ARPP21: variants seen among roughly 807,000 people sequenced by gnomAD.
The protein encoded by ARPP21 is cAMP regulated phosphoprotein 21, also known as cAMP-regulated phosphoprotein 21.
In ARPP21, 69 loss-of-function variants were observed where a neutral mutation model predicts 113.2. The ratio of observed to expected loss-of-function variants is 0.61; its 90% confidence interval spans 0.50 to 0.74. The LOEUF (loss-of-function observed/expected upper bound fraction) is 0.74. Among genes scored for constraint, ARPP21 ranks in the 30% least tolerant of loss-of-function variants. The pLI, the probability that ARPP21 is intolerant of heterozygous loss-of-function variation, is 0.00. For missense variants in ARPP21, 1,070 were observed against 1,037.4 expected, an observed-to-expected ratio of 1.03 and a Z score of -0.43; for synonymous variants, 368 against 375.5, an observed-to-expected ratio of 0.98 and a Z score of 0.23.
intron 9 of ARPP21, among the ~76,000 whole-genome samples, chr3:35,706,410 C>T (rs1480185404): frequency 3.9e-5 from 6 of 152,186 alleles, no homozygotes; most frequent in Non-Finnish European, 7.3e-5. Context: ...AATTACTGAA[C>T]CGATTTACAA....
chr3:35,719,969 G>A (rs1393187458), intron 13 of ARPP21, among the ~76,000 whole-genome samples: 1 of 152,174 alleles, frequency 6.6e-6, no homozygotes, highest in African/African-American at 2.4e-5. Flanking sequence ...GCAAGCCCTT[G>A]AAAAGGCTAT....
At chr3:35,749,431 C>CAAAAAA (rs61007987) in intron 19 of ARPP21, among the ~76,000 whole-genome samples, 26 of 100,762 alleles carry the variant, frequency 2.6e-4, no homozygotes, top group African/African-American at 3.3e-4. Flanking sequence ...TTCCTAAAAG[C>CAAAAAA]AAAAAAAAAA....
chr3:35,717,402 G>T, intron 13 of ARPP21, 45 bp downstream of exon 13: 1 of 1,175,612 alleles, frequency 8.5e-7, no homozygotes, highest in Non-Finnish European at 1.3e-6. Flanking sequence ...TTCAAATTAT[G>T]TGGTAGAATC....
intron 18 of ARPP21, among the ~76,000 whole-genome samples, chr3:35,743,080 CT>C (rs1421748545): frequency 6.6e-6 from 1 of 152,124 alleles, no homozygotes; most frequent in African/African-American, 2.4e-5. Context: ...ATTGAACATA[CT>C]TTTTTGAATA....
rs535823988 is a variant in ARPP21 at position 35,681,710 on chromosome 3, C to G, written c.-38-4C>G. ...CTTTATTTTCTGATATCTTAACCTT[C>G]TAGGGCATAAAATCTTGTTATTTTA... On this transcript the variant is annotated splice_polypyrimidine_tract_variant and splice_region_variant and intron_variant, in intron 2 of 20. Coordinates refer to ENST00000684406, the MANE Select transcript of ARPP21 (RefSeq NM_001385562.1). 1 of 1,555,776 alleles carries G rather than the reference C, an allele frequency of 6.4e-7. No individual in the cohort carries two copies. The highest frequency in any genetic ancestry group is 1.4e-5 in the African/African-American group (1 of 73,608).
At chr3:35,651,237 A>G (rs1182764519) in intron 1 of ARPP21, among the ~76,000 whole-genome samples, 4 of 152,048 alleles carry the variant, frequency 2.6e-5, no homozygotes, top group Non-Finnish European at 4.4e-5. Flanking sequence ...AACAATTTAG[A>G]TATTTGGAGG....
chr3:35,694,009 ATTG>A (rs1354166349), intron 9 of ARPP21, among the ~76,000 whole-genome samples: 1 of 151,516 alleles, frequency 6.6e-6, no homozygotes, highest in African/African-American at 2.4e-5. Flanking sequence ...TTCCTTTTAT[ATTG>A]TTCTTCTTCA....
At chr3:35,713,593 C>T (rs2091794403) in intron 11 of ARPP21, among the ~76,000 whole-genome samples, 1 of 152,084 alleles carries the variant, frequency 6.6e-6, no homozygotes, top group Admixed American at 6.6e-5. Flanking sequence ...AGGGTTTCAC[C>T]ATGTTGCCCA....
intron 13 of ARPP21, 112 bp downstream of exon 13, chr3:35,717,469 G>T (rs1034346534): frequency 1.4e-6 from 1 of 702,920 alleles, no homozygotes; most frequent in Non-Finnish European, 2.5e-6. Context: ...AAAAAGTCTG[G>T]TTATCTCTTT....
At chr3:35,642,959 A>G (rs756932375) in intron 1 of ARPP21, among the ~76,000 whole-genome samples, 1 of 152,150 alleles carries the variant, frequency 6.6e-6, no homozygotes, top group Non-Finnish European at 1.5e-5. Context: ...AAATATAAGT[A>G]GCAGAGGCAG....
chr3:35,675,753 G>A (rs959542406), intron 1 of ARPP21, among the ~76,000 whole-genome samples: 1 of 151,628 alleles, frequency 6.6e-6, no homozygotes, highest in Non-Finnish European at 1.5e-5. Context: ...TGTCCACATT[G>A]GATAGATAAA....
At chr3:35,672,639 CA>C (rs2076611595) in intron 1 of ARPP21, among the ~76,000 whole-genome samples, 1 of 151,968 alleles carries the variant, frequency 6.6e-6, no homozygotes, top group Non-Finnish European at 1.5e-5. Context: ...TAGAGATACA[CA>C]AAATAGGCAA....
chr3:35,707,375 G>A, intron 10 of ARPP21: 1 of 570,496 alleles, frequency 1.8e-6, no homozygotes, highest in East Asian at 4.1e-5. Context: ...CACAGGCTCC[G>A]AGCTGTGGAG....
chr3:35,793,110 A>G (rs1313532098), intron 20 of ARPP21, among the ~76,000 whole-genome samples: 1 of 152,194 alleles, frequency 6.6e-6, no homozygotes, highest in East Asian at 1.9e-4. Flanking sequence ...ATTAAATTTA[A>G]CTGTACCAGG....
At chr3:35,705,908 T>C (rs2088802524) in intron 9 of ARPP21, among the ~76,000 whole-genome samples, 1 of 152,226 alleles carries the variant, frequency 6.6e-6, no homozygotes, top group African/African-American at 2.4e-5. Flanking sequence ...ATTTGAATTA[T>C]ACACTTAAAC....
At chr3:35,684,442 AAAATTT>A (rs2079932181) in intron 5 of ARPP21, 1 of 979,600 alleles carries the variant, frequency 1.0e-6, no homozygotes, top group African/African-American at 1.7e-5. Context: ...GTAGGTTATA[AAAATTT>A]AAATTTAAAC....
At chr3:35,660,103 A>G (rs1706991124) in intron 1 of ARPP21, among the ~76,000 whole-genome samples, 1 of 152,084 alleles carries the variant, frequency 6.6e-6, no homozygotes, top group Non-Finnish European at 1.5e-5. Flanking sequence ...CAGCTTTTGG[A>G]CCTTGACTTC....
intron 19 of ARPP21, among the ~76,000 whole-genome samples, chr3:35,757,621 A>T (rs2095620551): frequency 6.6e-6 from 1 of 152,094 alleles, no homozygotes. Flanking sequence ...TTATATGTAG[A>T]ATATTTTATA....
At chr3:35,783,827 A>G (rs1043297452) in intron 19 of ARPP21, among the ~76,000 whole-genome samples, 6 of 152,096 alleles carry the variant, frequency 3.9e-5, no homozygotes, top group Non-Finnish European at 7.4e-5. Context: ...ATGCCTGTAT[A>G]TTTACAATTC....
Sources: allele counts gnomAD v4.1 joint callset (sites outside exome capture counted in the v4.1 genomes callset), GRCh38; gene constraint gnomAD v4.1.1; transcripts MANE v1.5; gene names NCBI Gene and HGNC (gene_info 2026-07-23, HGNC 2026-07-21).